METTL15: variants seen among roughly 807,000 people sequenced by gnomAD.
METTL15 encodes 12S rRNA N(4)-cytidine methyltransferase METTL15.
METTL15 carries 34 observed loss-of-function variants against 38.3 expected under a neutral mutation model. The observed-to-expected ratio is 0.89, with a 90% CI of 0.68 to 1.18. The LOEUF (loss-of-function observed/expected upper bound fraction) is 1.18, where lower values mean the gene tolerates loss of function less well. Ranked by LOEUF, METTL15 falls within the 50% of genes most tolerant of loss-of-function variation. METTL15 has a pLI of 0.00. For synonymous variants in METTL15, 162 were observed against 170.9 expected (o/e 0.95, Z 0.41); for missense variants, 438 against 498.4 (o/e 0.88, Z 1.15).
intron 6 of METTL15, among the ~76,000 whole-genome samples, chr11:28,485,272 T>C (rs1851429369): frequency 1.3e-5 from 2 of 152,140 alleles, no homozygotes; most frequent in South Asian, 4.1e-4. Flanking sequence ...AATAGCTTAA[T>C]TATAATGTCA....
intron 5 of METTL15, among the ~76,000 whole-genome samples, chr11:28,378,220 C>T (rs1167167505): frequency 1.3e-5 from 2 of 152,220 alleles, no homozygotes; most frequent in Non-Finnish European, 2.9e-5. Flanking sequence ...TTTACCTAAG[C>T]AAGCTTGGGC....
the METTL15 span, among the ~76,000 whole-genome samples, chr11:28,532,051 T>C: frequency 1.3e-5 from 2 of 152,094 alleles, no homozygotes; most frequent in South Asian, 2.1e-4. Context: ...AAAACTATAT[T>C]GTTGCATGTC....
At chr11:28,176,980 A>G (rs922946330) in intron 3 of METTL15, among the ~76,000 whole-genome samples, 1 of 152,066 alleles carries the variant, frequency 6.6e-6, no homozygotes, top group African/African-American at 2.4e-5. Context: ...AGAAGGCATA[A>G]GTTGATAAAC....
chr11:28,447,720 G>A (rs959225308), intron 6 of METTL15, among the ~76,000 whole-genome samples: 3 of 152,058 alleles, frequency 2.0e-5, no homozygotes, highest in Admixed American at 1.3e-4. Flanking sequence ...TTTAGAGAAT[G>A]GCAGTTATGT....
intron 4 of METTL15, among the ~76,000 whole-genome samples, chr11:28,236,431 TG>T (rs1853977104): frequency 1.3e-5 from 2 of 152,188 alleles, no homozygotes; most frequent in African/African-American, 2.4e-5. Context: ...TGAATCCATC[TG>T]GTCCTGGACT....
rs1475738734 is a variant in METTL15 at position 28,379,879 on chromosome 11, A to G, written c.*358+17843A>G. ...AGATGTATTAATGTTTGTCTTATGT[A>G]TTTGGGTGCTCCAGTGATGGTTGTG... On this transcript the variant is annotated intron_variant and NMD_transcript_variant, in intron 5 of 7. Coordinates refer to the METTL15 transcript ENST00000532947. Among the ~76,000 whole-genome samples the G allele has an allele frequency of 2.6e-5, 4 of 152,144 alleles. No individual in the cohort carries two copies. In the East Asian group the frequency reaches 7.7e-4, roughly 29 times the overall value.
At chr11:28,294,003 C>G (rs750971916) in intron 5 of METTL15, among the ~76,000 whole-genome samples, 11 of 152,152 alleles carry the variant, frequency 7.2e-5, no homozygotes, top group Admixed American at 1.3e-4. Flanking sequence ...CATCTGCAAA[C>G]AGGGACAATT....
At chr11:28,434,290 C>T (rs898572949) in intron 6 of METTL15, among the ~76,000 whole-genome samples, 2 of 152,210 alleles carry the variant, frequency 1.3e-5, no homozygotes, top group African/African-American at 2.4e-5. Context: ...TTTCCTAAGG[C>T]CTGCCCAGCC....
At chr11:28,198,982 ATT>A (rs34011846) in intron 3 of METTL15, among the ~76,000 whole-genome samples, 49 of 146,162 alleles carry the variant, frequency 3.4e-4, no homozygotes, top group African/African-American at 1.1e-3. Flanking sequence ...CTTTTTAGTG[ATT>A]TTTTTTTTTT....
chr11:28,266,950 A>G (rs899231437), intron 4 of METTL15, among the ~76,000 whole-genome samples: 1 of 152,108 alleles, frequency 6.6e-6, no homozygotes, highest in African/African-American at 2.4e-5. Flanking sequence ...ACTTGAGGTC[A>G]AGAGTTCGAG....
intron 5 of METTL15, among the ~76,000 whole-genome samples, chr11:28,293,505 G>A (rs1856607010): frequency 6.6e-6 from 1 of 152,210 alleles, no homozygotes; most frequent in Non-Finnish European, 1.5e-5. Flanking sequence ...CTCCAGCTTT[G>A]TTCTTGTGGC....
At chr11:28,353,698 G>A (rs1850061726) in intron 4 of METTL15, among the ~76,000 whole-genome samples, 1 of 151,934 alleles carries the variant, frequency 6.6e-6, no homozygotes, top group Non-Finnish European at 1.5e-5. Context: ...GGCCGAGGCG[G>A]GTGGATCATG....
At chr11:28,447,929 A>G (rs750553080) in intron 6 of METTL15, among the ~76,000 whole-genome samples, 3 of 152,174 alleles carry the variant, frequency 2.0e-5, no homozygotes, top group East Asian at 1.9e-4. Flanking sequence ...TGTTCCTCAC[A>G]TAACTCATAT....
chr11:28,348,957 C>T (rs1481516737), intron 3 of METTL15, among the ~76,000 whole-genome samples: 1 of 152,128 alleles, frequency 6.6e-6, no homozygotes, highest in East Asian at 1.9e-4. Context: ...TCAGTCATTT[C>T]TTCAAGGAGT....
intron 3 of METTL15, chr11:28,163,198 A>G (rs1337712190): frequency 2.5e-6 from 1 of 393,816 alleles, no homozygotes; most frequent in Non-Finnish European, 4.5e-6. Flanking sequence ...GAAGCAACTC[A>G]TTCTTGGGTG....
chr11:28,322,297 A>G (rs951294171), intron 6 of METTL15, among the ~76,000 whole-genome samples: 10 of 152,136 alleles, frequency 6.6e-5, no homozygotes, highest in African/African-American at 2.4e-4. Context: ...TCCTTATTTT[A>G]TAAATAGCTC....
chr11:28,448,633 T>G (rs999388713), intron 6 of METTL15, among the ~76,000 whole-genome samples: 10 of 152,206 alleles, frequency 6.6e-5, no homozygotes, highest in African/African-American at 2.4e-4. Context: ...TTTTTTCACA[T>G]GCTTTCTCTC....
At chr11:28,468,237 A>G (rs955332484) in intron 6 of METTL15, among the ~76,000 whole-genome samples, 4 of 152,192 alleles carry the variant, frequency 2.6e-5, no homozygotes, top group South Asian at 2.1e-4. Context: ...AGGAAATTAA[A>G]CTACATGTTT....
intron 4 of METTL15, among the ~76,000 whole-genome samples, chr11:28,264,810 CCTT>C (rs1466847034): frequency 2.0e-5 from 3 of 152,076 alleles, no homozygotes; most frequent in African/African-American, 7.2e-5. Context: ...GAATTTCTCT[CCTT>C]ATCTATACAA....
Sources: gnomAD v4.1 joint callset for allele counts (sites outside exome capture counted in the v4.1 genomes callset) on GRCh38, gnomAD v4.1.1 for gene constraint, MANE v1.5 for transcripts, NCBI Gene and HGNC (gene_info 2026-07-23, HGNC 2026-07-21) for gene names.